ILDR2: variants seen among roughly 807,000 people sequenced by gnomAD.
The protein encoded by ILDR2 is immunoglobulin like domain containing receptor 2.
ILDR2 carries 25 observed loss-of-function variants against 66.8 expected under a neutral mutation model. The ratio of observed to expected loss-of-function variants is 0.37; its 90% CI spans 0.27 to 0.52. The LOEUF (loss-of-function observed/expected upper bound fraction) is 0.52. ILDR2 is among the 20% of genes least tolerant of loss of function. The pLI is 0.88. For synonymous variants in ILDR2, 367 were observed against 357.2 expected (o/e 1.03, Z -0.31); for missense variants, 827 against 876.8 (o/e 0.94, Z 0.72).
intron 6 of ILDR2, chr1:166,933,639 G>T: frequency 1.6e-6 from 1 of 610,204 alleles, no homozygotes; most frequent in Non-Finnish European, 2.1e-6. Context: ...CTATGAATAA[G>T]AACAGTTTTA....
chr1:166,942,716 C>T (rs1169629173), intron 3 of ILDR2, among the ~76,000 whole-genome samples: 1 of 152,186 alleles, frequency 6.6e-6, no homozygotes, highest in Non-Finnish European at 1.5e-5. Flanking sequence ...TACTTCCACA[C>T]ACAGAATAAC....
chr1:166,938,987 C>T (rs1037483506), intron 4 of ILDR2, among the ~76,000 whole-genome samples: 1 of 152,090 alleles, frequency 6.6e-6, no homozygotes, highest in African/African-American at 2.4e-5. Context: ...TTCGAAGGGA[C>T]TAATAAGTCC....
Position 166,900,243 on chromosome 1 carries a change from A to G in ILDR2, n.172-4142T>C, listed in dbSNP as rs552750348. Among the ~76,000 whole-genome samples, 8 of 126,100 alleles carry G rather than the reference A, an allele frequency of 6.3e-5. No homozygotes were observed. In the South Asian group the frequency reaches 1.8e-3, roughly 28 times the overall value. 82.7% of individuals were successfully genotyped at this position (126,100 alleles called of 152,430 possible). A position where few individuals can be genotyped will look rare whatever the true frequency, so the allele number is the denominator to read the frequency against. On this transcript the variant is annotated intron_variant and non_coding_transcript_variant, in intron 2 of 2. Transcript: ENST00000414590. ...ACCCTTTCATGCTCCCCCCACCCCCATGGCAGCCTCCTTCTCTCTATTGCC... is the reference window on the plus strand; with the variant it reads ...ACCCTTTCATGCTCCCCCCACCCCCGTGGCAGCCTCCTTCTCTCTATTGCC...
intron 1 of ILDR2, among the ~76,000 whole-genome samples, chr1:166,961,366 TAATC>T (rs1326988870): frequency 2.0e-5 from 3 of 152,196 alleles, no homozygotes; most frequent in South Asian, 2.1e-4. Flanking sequence ...TGGACTCTCT[TAATC>T]AATTATTAAT....
chr1:166,906,921 A>C (rs940176380), downstream of ILDR2: 1 of 152,430 alleles, frequency 6.6e-6, no homozygotes, highest in Non-Finnish European at 1.5e-5. Flanking sequence ...CCAGCCACCC[A>C]TCAGTTCAGG....
chr1:166,916,741 A>G lies in ILDR2; in HGVS notation c.*2614T>C, dbSNP rs948510127. 6.6e-6 allele frequency: 1 copy of G among 152,196 alleles called. No homozygotes were observed. The highest frequency in any genetic ancestry group is 1.5e-5 in the Non-Finnish European group (1 of 68,038). 9.4% of individuals were successfully genotyped at this position (152,196 alleles called of 1,614,324 possible). A position where few individuals can be genotyped will look rare whatever the true frequency, so the allele number is the denominator to read the frequency against. On this transcript the variant is annotated 3_prime_UTR_variant, in exon 10 of 10. Coordinates refer to ENST00000271417, the MANE Select transcript of ILDR2 (RefSeq NM_199351.3). ...AAGGACAACCTGGTCCCAACTCCCA[A>G]GGTTAATTCAGTAGCCTGCTATCTT...
At chr1:166,967,742 T>C (rs1267662349) in intron 1 of ILDR2, among the ~76,000 whole-genome samples, 1 of 152,092 alleles carries the variant, frequency 6.6e-6, no homozygotes, top group African/African-American at 2.4e-5. Context: ...GGTGACAGAG[T>C]GGGACTCTGT....
intron 3 of ILDR2, among the ~76,000 whole-genome samples, chr1:166,941,887 ATAAT>A (rs1029240868): frequency 2.9e-4 from 44 of 152,350 alleles, no homozygotes; most frequent in African/African-American, 8.4e-4. Context: ...GCAAACCGTG[ATAAT>A]TAATTAACTA....
rs1659394436 is a variant in ILDR2 at position 166,908,546 on chromosome 1, G to A, written c.*10809C>T. The A allele has an allele frequency of 6.6e-6, 1 of 152,202 alleles. No homozygotes were observed. Among genetic ancestry groups the A allele is most frequent in the African/African-American group, 2.4e-5 (1 of 41,448 alleles). The allele number at this position is 152,202 out of a possible 1,614,324, so 9.4% of individuals were successfully genotyped here. A position where few individuals can be genotyped will look rare whatever the true frequency, so the allele number is the denominator to read the frequency against. ...TGTCCCCTGTTCTATGGAACTTAGA[G>A]AGGAAGGGAGAAGCACCTTGCCCAG... is the stretch of plus-strand genomic sequence containing the variant. On this transcript the variant is annotated 3_prime_UTR_variant, in exon 10 of 10. Coordinates refer to ENST00000271417, the MANE Select transcript of ILDR2 (RefSeq NM_199351.3).
chr1:166,905,090 T>A (rs554341878), downstream of ILDR2, among the ~76,000 whole-genome samples: 1 of 152,196 alleles, frequency 6.6e-6, no homozygotes, highest in African/African-American at 2.4e-5. Flanking sequence ...CCAAAGGGGA[T>A]TGTATTCATA....
At chr1:166,924,317 C>G (rs1451878114) in intron 7 of ILDR2, among the ~76,000 whole-genome samples, 1 of 152,150 alleles carries the variant, frequency 6.6e-6, no homozygotes, top group Non-Finnish European at 1.5e-5. Context: ...ACAGAAGAGG[C>G]CTTTAAAATG....
At chr1:166,973,612 T>TCCCCCCCCCCCC (rs59745587) in intron 1 of ILDR2, among the ~76,000 whole-genome samples, 9 of 64,956 alleles carry the variant, frequency 1.4e-4, no homozygotes, top group East Asian at 1.1e-3. Flanking sequence ...CAGGGACCCC[T>TCCCCCCCCCCCC]CCCCCCCCCC....
At chr1:166,905,121 A>G (rs1302465323), downstream of ILDR2, among the ~76,000 whole-genome samples, 1 of 152,242 alleles carries the variant, frequency 6.6e-6, no homozygotes, top group African/African-American at 2.4e-5. Flanking sequence ...AAAAACTTTA[A>G]AAGCTTCTTT....
At chr1:166,965,109 C>T in intron 1 of ILDR2, among the ~76,000 whole-genome samples, 1 of 152,146 alleles carries the variant, frequency 6.6e-6, no homozygotes, top group East Asian at 1.9e-4. Flanking sequence ...AGGATTTGAC[C>T]TCAGAATTGC....
chr1:166,943,132 CAT>C (rs985820465), intron 3 of ILDR2, among the ~76,000 whole-genome samples: 1 of 152,076 alleles, frequency 6.6e-6, no homozygotes, highest in Non-Finnish European at 1.5e-5. Context: ...GAATTCAAAA[CAT>C]AGTAGGAGTT....
chr1:166,966,559 C>T (rs558851885), intron 1 of ILDR2, among the ~76,000 whole-genome samples: 2 of 152,308 alleles, frequency 1.3e-5, no homozygotes, highest in Admixed American at 6.5e-5. Context: ...ACAAATCTTG[C>T]TATTCATCAA....
downstream of ILDR2, among the ~76,000 whole-genome samples, chr1:166,906,078 C>T (rs1345324813): frequency 2.0e-5 from 3 of 152,168 alleles, no homozygotes; most frequent in Non-Finnish European, 1.5e-5. Flanking sequence ...AAAGTGTTTG[C>T]GCTTATTCAA....
Position 166,921,055 on chromosome 1 carries a change from C to A in ILDR2, c.1536G>T (p.Arg512=). 1.3e-6 allele frequency: 2 copies of A among 1,494,998 alleles called. No individual in the cohort carries two copies. Among genetic ancestry groups the A allele is most frequent in the Non-Finnish European group, 1.8e-6 (2 of 1,132,626 alleles). 92.6% of individuals were successfully genotyped at this position (1,494,998 alleles called of 1,614,324 possible). Residue 512 remains arginine, a synonymous_variant, in exon 9 of 10, where the codon CGG becomes CGT. Coordinates refer to ENST00000271417, the MANE Select transcript of ILDR2 (RefSeq NM_199351.3). The surrounding 1 kb of genome is among the most constrained non-coding windows in gnomAD (Gnocchi z 5.3). ...CGGTGCCTGGCGTGCGGCTCACCAGCCGCGGCAGGTGCGCGTCCTCGGCGG... is the reference window on the plus strand; with the variant it reads ...CGGTGCCTGGCGTGCGGCTCACCAGACGCGGCAGGTGCGCGTCCTCGGCGG... The part of the protein sequence containing the change: ...RRPAEDAHLP[R]LVSRTPGTAP...
At chr1:166,969,607 C>T (rs935523268) in intron 1 of ILDR2, among the ~76,000 whole-genome samples, 97 of 152,168 alleles carry the variant, frequency 6.4e-4, no homozygotes, top group Non-Finnish European at 1.4e-3. Context: ...TCCTTTCCCA[C>T]TAGATCTTAG....
Sources: gnomAD v4.1 joint callset for allele counts (sites outside exome capture counted in the v4.1 genomes callset) on GRCh38, gnomAD v4.1.1 for gene constraint, Gnocchi (gnomAD v3.1) non-coding constraint, MANE v1.5 for transcripts, NCBI Gene and HGNC (gene_info 2026-07-23, HGNC 2026-07-21) for gene names.